The following AGBL4 variants were observed in gnomAD, a reference collection of about 807,000 sequenced individuals.
The protein encoded by AGBL4 is cytosolic carboxypeptidase 6.
AGBL4 carries 58 observed loss-of-function variants against 66.4 expected under a neutral mutation model. That is an observed-to-expected ratio of 0.87 (90% CI 0.71 to 1.09). The LOEUF (loss-of-function observed/expected upper bound fraction) is 1.09. Among genes scored for constraint, AGBL4 ranks in the 50% least tolerant of loss-of-function variants. The pLI is 0.00. For missense variants in AGBL4, 579 were observed against 631.0 expected (o/e 0.92, Z 0.88); for synonymous variants, 234 against 222.9 (o/e 1.05, Z -0.44).
At chr1:48,539,511 G>GT in intron 12 of AGBL4, 131 bp downstream of exon 12, 4 of 645,626 alleles carry the variant, frequency 6.2e-6, no homozygotes, top group Admixed American at 7.6e-5. Flanking sequence ...AATCTCGGTG[G>GT]CAGGGCCAGG....
chr1:49,184,133 C>G (rs1646975409), intron 4 of AGBL4, among the ~76,000 whole-genome samples: 1 of 152,152 alleles, frequency 6.6e-6, no homozygotes, highest in African/African-American at 2.4e-5. Context: ...AGAACTCACT[C>G]TCATACATAC....
At chr1:49,886,824 C>T (rs12121770) in intron 1 of AGBL4, among the ~76,000 whole-genome samples, 7,535 of 152,172 alleles carry the variant, frequency 0.05, 291 homozygotes, top group East Asian at 0.15. Flanking sequence ...TAGACTTGCA[C>T]TTCTAAATGA....
At chr1:48,885,734 T>C (rs1371601795) in intron 5 of AGBL4, among the ~76,000 whole-genome samples, 1 of 152,180 alleles carries the variant, frequency 6.6e-6, no homozygotes, top group East Asian at 1.9e-4. Flanking sequence ...CAGACCATCA[T>C]GGGTGCCTAG....
In AGBL4 at chr1:49,095,560, A is replaced by G. The variant is rs138000390; in HGVS notation, c.378-49760T>C. Among the ~76,000 whole-genome samples the G allele has an allele frequency of 1.8e-3, 280 of 152,330 alleles. 6 individuals are homozygous for G. In the East Asian group the frequency reaches 0.051, roughly 28 times the overall value. ...CATATCTACAACTATCGGATCTTTG[A>G]CAAACCTGACAAAAACAAGAAATGG... On this transcript the variant is annotated intron_variant, in intron 4 of 13. Transcript: ENST00000371839.
At chr1:48,997,562 C>T (rs1036295934) in intron 5 of AGBL4, among the ~76,000 whole-genome samples, 2 of 152,180 alleles carry the variant, frequency 1.3e-5, no homozygotes, top group East Asian at 1.9e-4. Flanking sequence ...CAAAATTGCA[C>T]ATGATCTGGC....
intron 6 of AGBL4, among the ~76,000 whole-genome samples, chr1:48,764,495 A>G (rs1225125367): frequency 6.6e-6 from 1 of 152,294 alleles, no homozygotes; most frequent in African/African-American, 2.4e-5. Context: ...AAGGGGGGGA[A>G]ATATTTGGAT....
At chr1:49,869,722 G>A (rs569533159) in intron 1 of AGBL4, among the ~76,000 whole-genome samples, 13 of 152,044 alleles carry the variant, frequency 8.6e-5, no homozygotes, top group African/African-American at 2.2e-4. Context: ...TAACAAACCC[G>A]CACATCTTCA....
At position 49,513,871 on chromosome 1, in the gene AGBL4, G is replaced by A. The variant is rs139997887; in HGVS notation, c.282+183442C>T. The stretch of plus-strand genomic sequence containing the variant: ...CCAGTTGCTGTTTGCCAGACACTGT[G>A]GTGGGCATAAGCAGGGTTGCTATAT... On this transcript the variant is annotated intron_variant, in intron 3 of 13. Transcript: ENST00000371839. Among the ~76,000 whole-genome samples the A allele has an allele frequency of 4.8e-3, 733 of 152,072 alleles. 6 individuals carry two copies. The highest frequency in any genetic ancestry group is 8.0e-3 in the Non-Finnish European group (546 of 67,964).
intron 6 of AGBL4, among the ~76,000 whole-genome samples, chr1:48,801,422 C>T (rs1443411449): frequency 6.6e-6 from 1 of 152,182 alleles, no homozygotes; most frequent in Non-Finnish European, 1.5e-5. Flanking sequence ...CTTCTTTCAC[C>T]TTGTGACCCC....
chr1:49,420,517 G>A (rs1645521228), intron 3 of AGBL4, among the ~76,000 whole-genome samples: 1 of 152,044 alleles, frequency 6.6e-6, no homozygotes, highest in South Asian at 2.1e-4. Context: ...TGGCAAACAC[G>A]GTGAAACCCC....
intron 3 of AGBL4, among the ~76,000 whole-genome samples, chr1:49,294,880 T>C (rs183536259): frequency 9.0e-4 from 137 of 152,314 alleles, no homozygotes; most frequent in Middle Eastern, 3.4e-3. Context: ...TCATCATGCT[T>C]TATTGTAAAA....
chr1:49,390,010 G>A (rs1410714306), intron 3 of AGBL4, among the ~76,000 whole-genome samples: 2 of 152,036 alleles, frequency 1.3e-5, no homozygotes, highest in East Asian at 3.9e-4. Flanking sequence ...CTAGTCCCTT[G>A]GACTCTGTTT....
chr1:48,525,312 T>A, the AGBL4 span, among the ~76,000 whole-genome samples: 1 of 152,120 alleles, frequency 6.6e-6, no homozygotes, highest in Non-Finnish European at 1.5e-5. Flanking sequence ...TCAGGGCCAG[T>A]GCACCAGGAA....
At chr1:48,532,770 C>A (rs11588081), downstream of AGBL4, 34,410 of 152,030 alleles carry the variant, frequency 0.23, 4,430 homozygotes, top group Middle Eastern at 0.36. Context: ...AGGGTTATAT[C>A]AGTTTTGGGG....
intron 3 of AGBL4, among the ~76,000 whole-genome samples, chr1:49,564,826 C>T (rs1644151299): frequency 1.3e-5 from 2 of 152,174 alleles, no homozygotes; most frequent in South Asian, 4.1e-4. Context: ...ATTAGGTCCG[C>T]TTGGTGCAGA....
rs1644772721 is a variant in AGBL4, at chr1:49,302,628, A to ATT, written c.283-56766_283-56765dup. ...TTATTTTTTTATTTTATTTTATTTT[A>ATT]TTTTATTTTATTTTATTTTATTTTA... is the stretch of plus-strand genomic sequence containing the variant. On this transcript the variant is annotated intron_variant, in intron 3 of 13. Transcript: ENST00000371839. Among the ~76,000 whole-genome samples the ATT allele has an allele frequency of 5.5e-5, 7 of 127,350 alleles. 2 individuals carry two copies. Among genetic ancestry groups the ATT allele is most frequent in the Middle Eastern group, 7.6e-3 (2 of 264 alleles). The allele number at this position is 127,350 out of a possible 152,430, so 83.5% of individuals were successfully genotyped here.
chr1:48,546,864 A>ACACACACACACAC (rs1553185398), intron 11 of AGBL4, among the ~76,000 whole-genome samples: 133 of 128,370 alleles, frequency 1.0e-3, no homozygotes, highest in African/African-American at 1.6e-3. Flanking sequence ...AAAACAAACA[A>ACACACACACACAC]ACACACACAC....
chr1:49,598,164 T>C (rs1454240825), intron 3 of AGBL4, among the ~76,000 whole-genome samples: 1 of 152,116 alleles, frequency 6.6e-6, no homozygotes, highest in Non-Finnish European at 1.5e-5. Context: ...CATAAATAGC[T>C]CTTATTATTT....
At chr1:49,306,213 G>A (rs956004802) in intron 3 of AGBL4, among the ~76,000 whole-genome samples, 4 of 152,042 alleles carry the variant, frequency 2.6e-5, no homozygotes. Context: ...AAACACTTTT[G>A]CAATCCCAAA....
Sources: gnomAD v4.1 joint callset for allele counts (sites outside exome capture counted in the v4.1 genomes callset) on GRCh38, gnomAD v4.1.1 for gene constraint, MANE v1.5 for transcripts, NCBI Gene and HGNC (gene_info 2026-07-23, HGNC 2026-07-21) for gene names.